BTBD10: variants seen among roughly 807,000 people sequenced by gnomAD.
BTBD10 encodes the protein BTB/POZ domain-containing protein 10.
In BTBD10, 21 loss-of-function variants were observed where a neutral mutation model predicts 53.2. That is an observed-to-expected ratio of 0.39 (90% CI 0.28 to 0.57). BTBD10 has a LOEUF of 0.57. Among genes scored for constraint, BTBD10 ranks in the 20% least tolerant of loss-of-function variants. BTBD10 has a pLI of 0.53. For missense variants in BTBD10, 360 were observed against 594.7 expected (o/e 0.61, Z 4.10); for synonymous variants, 149 against 192.7 (o/e 0.77, Z 1.88).
chr11:13,416,160 T>A (rs537076492), intron 5 of BTBD10, among the ~76,000 whole-genome samples: 1 of 151,838 alleles, frequency 6.6e-6, no homozygotes, highest in South Asian at 2.1e-4. Context: ...AAGATCAGCC[T>A]GGGCAACATG....
chr11:13,392,943 T>G (rs1483152042), intron 8 of BTBD10, among the ~76,000 whole-genome samples: 2 of 152,220 alleles, frequency 1.3e-5, no homozygotes, highest in African/African-American at 2.4e-5. Context: ...ACATCCAATA[T>G]GGTCTGCTCG....
At chr11:13,456,544 C>T (rs977554713) in intron 1 of BTBD10, among the ~76,000 whole-genome samples, 1 of 151,890 alleles carries the variant, frequency 6.6e-6, no homozygotes, top group Non-Finnish European at 1.5e-5. Flanking sequence ...TATTTGCCTA[C>T]GAAAAACACC....
At chr11:13,396,352 G>A (rs919015652) in intron 8 of BTBD10, among the ~76,000 whole-genome samples, 1 of 152,116 alleles carries the variant, frequency 6.6e-6, no homozygotes, top group African/African-American at 2.4e-5. Context: ...TCTGTTATTG[G>A]TGTATAAGAA....
chr11:13,457,573 T>C (rs1056788643), intron 1 of BTBD10, among the ~76,000 whole-genome samples: 3 of 152,142 alleles, frequency 2.0e-5, no homozygotes, highest in Non-Finnish European at 4.4e-5. Context: ...CAAAGACAAA[T>C]ACACATGTAT....
chr11:13,453,912 C>T (rs1023118891), intron 1 of BTBD10, among the ~76,000 whole-genome samples: 3 of 152,044 alleles, frequency 2.0e-5, no homozygotes, highest in Admixed American at 6.5e-5. Flanking sequence ...ATTAGCCAGG[C>T]GTGTTGGCGG....
intron 6 of BTBD10, among the ~76,000 whole-genome samples, chr11:13,412,698 T>C (rs1228817476): frequency 6.6e-6 from 1 of 152,214 alleles, no homozygotes; most frequent in African/African-American, 2.4e-5. Flanking sequence ...CTACTCTTTG[T>C]AAATCATTTA....
At chr11:13,458,714 C>T (rs2134065874) in intron 1 of BTBD10, among the ~76,000 whole-genome samples, 1 of 152,262 alleles carries the variant, frequency 6.6e-6, no homozygotes, top group Non-Finnish European at 1.5e-5. Context: ...AGAGAAACTC[C>T]AACAATTTGG....
intron 2 of BTBD10, among the ~76,000 whole-genome samples, chr11:13,442,255 CATG>C (rs1950668757): frequency 6.6e-6 from 1 of 152,060 alleles, no homozygotes; most frequent in Non-Finnish European, 1.5e-5. Flanking sequence ...GTAGGAGAGG[CATG>C]ATGAAACAAA....
intron 1 of BTBD10, among the ~76,000 whole-genome samples, chr11:13,452,545 T>A (rs1418422191): frequency 1.3e-5 from 2 of 152,158 alleles, no homozygotes; most frequent in African/African-American, 4.8e-5. Flanking sequence ...CACTTTTTGA[T>A]CAAAAACCCC....
At position 13,389,033 on chromosome 11, in the gene BTBD10, T is replaced by C; in HGVS notation, c.1226A>G (p.Glu409Gly). ...AAAGTCTACATGCCGACTCTTTCCTTCTTCCTTCTCCCAGGACATTCGAAT... is the reference window on the plus strand; with the variant it reads ...AAAGTCTACATGCCGACTCTTTCCTCCTTCCTTCTCCCAGGACATTCGAAT... ...PFIRMSWEKE[E>G]GKSRHVDFQC... is the part of the protein sequence containing the mutation. Residue 409 changes from glutamate to glycine, a missense_variant, in exon 9 of 9, where the codon GAA becomes GGA. Glu to Gly is a moderately conservative substitution (Grantham distance 98). Coordinates refer to ENST00000278174, the MANE Select transcript of BTBD10 (RefSeq NM_032320.7). 6.2e-7 allele frequency: 1 copy of C among 1,614,080 alleles called. No individual in the cohort carries two copies. Among genetic ancestry groups the C allele is most frequent in the Non-Finnish European group, 8.5e-7 (1 of 1,180,050 alleles).
Position 13,460,407 on chromosome 11 carries a change from C to CTTA in BTBD10, c.-58+2682_-58+2684dup, listed in dbSNP as rs556676828. Among the ~76,000 whole-genome samples the CTTA allele has an allele frequency of 2.0e-3, 300 of 152,302 alleles. 3 individuals are homozygous for CTTA. Among genetic ancestry groups the CTTA allele is most frequent in the African/African-American group, 7.1e-3 (294 of 41,574 alleles). On this transcript the variant is annotated intron_variant, in intron 1 of 8. Coordinates refer to ENST00000278174, the MANE Select transcript of BTBD10 (RefSeq NM_032320.7). The stretch of plus-strand genomic sequence containing the variant: ...CTATATGCCTAAAAAACACCTCTTA[C>CTTA]TTAGCTTTGACCTCTAGCACTCCCA...
In BTBD10 at chr11:13,418,916, C is replaced by A. The variant is rs577188496; in HGVS notation, c.584+544G>T. Among the ~76,000 whole-genome samples the A allele has an allele frequency of 2.7e-5, 4 of 148,854 alleles. No homozygotes were observed. The South Asian group carries it at 8.6e-4, about 32-fold the overall frequency. Reference sequence around the variant, plus strand: ...ATTGATCTATTACTCTGGACCAGCACAAATCAGAAGATGACAATTATCTCC... The same window carrying A: ...ATTGATCTATTACTCTGGACCAGCAAAAATCAGAAGATGACAATTATCTCC... On this transcript the variant is annotated intron_variant, in intron 4 of 8. Coordinates refer to ENST00000278174, the MANE Select transcript of BTBD10 (RefSeq NM_032320.7).
chr11:13,409,159 C>G (rs950370027), intron 6 of BTBD10, among the ~76,000 whole-genome samples: 1 of 152,296 alleles, frequency 6.6e-6, no homozygotes, highest in Admixed American at 6.5e-5. Context: ...CTCCAACTAT[C>G]CTGGCCTCTC....
intron 2 of BTBD10, among the ~76,000 whole-genome samples, chr11:13,428,176 T>C (rs1591140746): frequency 2.6e-5 from 4 of 152,188 alleles, no homozygotes; most frequent in Admixed American, 2.6e-4. Context: ...AAGAATATTA[T>C]AAACAACTTT....
chr11:13,447,710 T>C (rs534877591), intron 1 of BTBD10, among the ~76,000 whole-genome samples: 2 of 152,316 alleles, frequency 1.3e-5, no homozygotes, highest in Admixed American at 1.3e-4. Context: ...CAGATAAAGG[T>C]GCTCAAAAAT....
chr11:13,398,911 A>C (rs1383092413), intron 8 of BTBD10, among the ~76,000 whole-genome samples: 3 of 152,184 alleles, frequency 2.0e-5, no homozygotes, highest in Admixed American at 6.5e-5. Context: ...CTGAGAGATC[A>C]GCTGTTAGTC....
chr11:13,402,131 A>G (rs1269778753), intron 8 of BTBD10, among the ~76,000 whole-genome samples: 2 of 152,152 alleles, frequency 1.3e-5, no homozygotes, highest in Non-Finnish European at 2.9e-5. Context: ...CACTAGACCA[A>G]TGCTTCATAT....
chr11:13,419,476 T>C lies in BTBD10; in HGVS notation c.568A>G (p.Asn190Asp). Reference sequence around the variant, plus strand: ...AATACAAACCTGCCCAACATTGTATTTGGCTGTGCAGTAAAAATGGATGGG... The same window carrying C: ...AATACAAACCTGCCCAACATTGTATCTGGCTGTGCAGTAAAAATGGATGGG... ...VDPSIFTAQP[N>D]TMLGRMFGSG... Residue 190 changes from asparagine (N) to aspartate (D), a missense_variant, in exon 4 of 9, where the codon AAT becomes GAT. Asn to Asp is a conservative substitution (Grantham distance 23, BLOSUM62 1). Coordinates refer to ENST00000278174, the MANE Select transcript of BTBD10 (RefSeq NM_032320.7). The C allele has an allele frequency of 6.2e-7, 1 of 1,612,816 alleles. No individual in the cohort carries two copies. The highest frequency in any genetic ancestry group is 8.5e-7 in the Non-Finnish European group (1 of 1,179,568).
At chr11:13,392,228 T>C (rs1352152151) in intron 8 of BTBD10, among the ~76,000 whole-genome samples, 1 of 152,188 alleles carries the variant, frequency 6.6e-6, no homozygotes, top group East Asian at 1.9e-4. Flanking sequence ...ATGAATGAGA[T>C]TCTAATGGAC....
Sources: gnomAD v4.1 joint callset for allele counts (sites outside exome capture counted in the v4.1 genomes callset) on GRCh38, gnomAD v4.1.1 for gene constraint, MANE v1.5 for transcripts, NCBI Gene and HGNC (gene_info 2026-07-23, HGNC 2026-07-21) for gene names.